AFAP1L1: variants seen among roughly 807,000 people sequenced by gnomAD.
AFAP1L1 encodes actin filament-associated protein 1-like 1.
In AFAP1L1, 77 loss-of-function variants were observed where a neutral mutation model predicts 99.8. The ratio of observed to expected loss-of-function variants is 0.77; its 90% CI spans 0.64 to 0.93. AFAP1L1 has a LOEUF of 0.93. AFAP1L1 is among the 40% of genes least tolerant of loss of function. AFAP1L1 has a pLI of 0.00. For synonymous variants in AFAP1L1, 373 were observed against 395.3 expected, an observed-to-expected ratio of 0.94 and a Z score of 0.67; for missense variants, 893 against 996.8, an observed-to-expected ratio of 0.90 and a Z score of 1.40.
chr5:149,285,750 C>T (rs1356573305), intron 1 of AFAP1L1, among the ~76,000 whole-genome samples: 7 of 152,188 alleles, frequency 4.6e-5, no homozygotes, highest in African/African-American at 1.4e-4. Flanking sequence ...TCCATGTCTG[C>T]TCCCCAAGGC....
intron 8 of AFAP1L1, among the ~76,000 whole-genome samples, chr5:149,311,297 C>T (rs1756622612): frequency 6.6e-6 from 1 of 152,158 alleles, no homozygotes; most frequent in African/African-American, 2.4e-5. Flanking sequence ...AGCCTGTACC[C>T]TCCACGAGCT....
rs1250488578 is a variant in AFAP1L1 at position 149,329,969 on chromosome 5, C to T, written c.1975+139C>T. The T allele has an allele frequency of 7.8e-6, 5 of 641,832 alleles. No individual in the cohort carries two copies. In the African/African-American group the frequency reaches 9.4e-5, roughly 12 times the overall value. 39.8% of individuals were successfully genotyped at this position (641,832 alleles called of 1,614,324 possible). ...TTCTCCTCCCCTCCTCCTTCTCCTC[C>T]TCCTCCTCTTCTTCTCCTCTTCATC... On this transcript the variant is annotated intron_variant, in intron 16 of 18. Transcript: ENST00000296721.
intron 3 of AFAP1L1, 41 bp from the exon 4 acceptor site, chr5:149,301,092 C>T (rs761087339): frequency 1.3e-6 from 2 of 1,591,406 alleles, no homozygotes; most frequent in African/African-American, 1.3e-5. Context: ...CTGTGCTGCT[C>T]ATCCTTGGCT....
At chr5:149,334,006 T>C (rs2127604949) in intron 17 of AFAP1L1, among the ~76,000 whole-genome samples, 1 of 152,376 alleles carries the variant, frequency 6.6e-6, no homozygotes, top group Middle Eastern at 3.4e-3. Context: ...ATCCATTTGT[T>C]TATCATTACA....
intron 1 of AFAP1L1, among the ~76,000 whole-genome samples, chr5:149,273,358 A>G (rs1042709575): frequency 6.6e-6 from 1 of 151,860 alleles, no homozygotes; most frequent in Admixed American, 6.6e-5. Flanking sequence ...CATGGGAGCA[A>G]TTAGCAGGCA....
At chr5:149,307,343 G>T in intron 6 of AFAP1L1, 59 bp from the exon 7 acceptor site, 4 of 1,574,134 alleles carry the variant, frequency 2.5e-6, no homozygotes, top group Non-Finnish European at 3.5e-6. Flanking sequence ...CTGCAGAGGG[G>T]TGAGAAGGTG....
intron 15 of AFAP1L1, among the ~76,000 whole-genome samples, chr5:149,326,573 T>TAG (rs1757104332): frequency 7.0e-6 from 1 of 143,078 alleles, no homozygotes; most frequent in East Asian, 2.0e-4. Context: ...GAAAGAAAAA[T>TAG]ATATATATAT....
At chr5:149,296,597 G>A (rs906150287) in intron 1 of AFAP1L1, among the ~76,000 whole-genome samples, 3 of 152,208 alleles carry the variant, frequency 2.0e-5, no homozygotes, top group African/African-American at 7.2e-5. Flanking sequence ...GTATGAGACA[G>A]AGAGAGAATG....
At chr5:149,281,231 G>C (rs916176240) in intron 1 of AFAP1L1, among the ~76,000 whole-genome samples, 1 of 152,114 alleles carries the variant, frequency 6.6e-6, no homozygotes, top group Admixed American at 6.5e-5. Context: ...TTTTTCTGGA[G>C]ACCCTTCCAG....
At chr5:149,318,196 T>C (rs969554304) in intron 12 of AFAP1L1, among the ~76,000 whole-genome samples, 86 of 152,368 alleles carry the variant, frequency 5.6e-4, no homozygotes, top group African/African-American at 2.0e-3. Flanking sequence ...CCACGCAACA[T>C]TGGAGCTTTA....
intron 15 of AFAP1L1, among the ~76,000 whole-genome samples, chr5:149,329,372 C>T (rs912830454): frequency 1.3e-5 from 2 of 152,160 alleles, no homozygotes; most frequent in African/African-American, 2.4e-5. Flanking sequence ...ACCAATGTCA[C>T]ACTACCAGTC....
intron 1 of AFAP1L1, among the ~76,000 whole-genome samples, chr5:149,281,726 TTGCTCTCTGC>T (rs1365563692): frequency 1.3e-5 from 2 of 152,206 alleles, no homozygotes; most frequent in Non-Finnish European, 2.9e-5. Context: ...TTCTTTACCA[TTGCTCTCTGC>T]TGCTTCTCCA....
chr5:149,336,534 C>T (rs760461894), intron 18 of AFAP1L1, among the ~76,000 whole-genome samples: 2 of 152,162 alleles, frequency 1.3e-5, no homozygotes, highest in African/African-American at 4.8e-5. Context: ...TTTGGGAGGC[C>T]GAGAAGTCTC....
Position 149,341,998 on chromosome 5 carries a change from G to T in AFAP1L1, c.*1968G>T, listed in dbSNP as rs941844863. 6.6e-6 allele frequency among the ~76,000 whole-genome samples: 1 copy of T among 152,148 alleles called. No individual in the cohort carries two copies. The highest frequency in any genetic ancestry group is 2.4e-5 in the African/African-American group (1 of 41,418). ...CAACAGATGAACTCTCAGAGGAGTG[G>T]CTGGGGGTAATTAATAATTAACATT... is the stretch of plus-strand genomic sequence containing the variant. On this transcript the variant is annotated 3_prime_UTR_variant, in exon 19 of 19. Coordinates refer to ENST00000296721, the MANE Select transcript of AFAP1L1 (RefSeq NM_152406.4).
intron 16 of AFAP1L1, among the ~76,000 whole-genome samples, chr5:149,331,637 AT>A (rs749520113): frequency 1.6e-3 from 248 of 152,146 alleles, no homozygotes; most frequent in Non-Finnish European, 3.2e-3. Context: ...AAAAAAAAAA[AT>A]TGAATAAGCA....
At chr5:149,317,377 G>GT (rs377241076) in intron 11 of AFAP1L1, among the ~76,000 whole-genome samples, 8 of 152,162 alleles carry the variant, frequency 5.3e-5, no homozygotes, top group African/African-American at 1.9e-4. Context: ...CTGCCACTGG[G>GT]TGTCAGCATC....
chr5:149,307,365 T>C (rs1039505019), intron 6 of AFAP1L1, 37 bp from the exon 7 acceptor site: 34 of 1,607,680 alleles, frequency 2.1e-5, no homozygotes, highest in African/African-American at 2.7e-5. Context: ...TTCCCCAGGA[T>C]GGCACAGTGA....
intron 1 of AFAP1L1, among the ~76,000 whole-genome samples, chr5:149,283,023 G>A (rs1755568343): frequency 6.6e-6 from 1 of 152,116 alleles, no homozygotes; most frequent in South Asian, 2.1e-4. Flanking sequence ...CTTACCACCG[G>A]GGCAGCACCT....
chr5:149,301,016 AG>A, intron 3 of AFAP1L1, 116 bp from the exon 4 acceptor site: 1 of 741,110 alleles, frequency 1.3e-6, no homozygotes, highest in South Asian at 1.7e-5. Context: ...TTACTAACGG[AG>A]GGGTGGTGGA....
Sources: allele counts gnomAD v4.1 joint callset (sites outside exome capture counted in the v4.1 genomes callset), GRCh38; gene constraint gnomAD v4.1.1; transcripts MANE v1.5; gene names NCBI Gene and HGNC (gene_info 2026-07-23, HGNC 2026-07-21).